DISC1: variants seen among roughly 807,000 people sequenced by gnomAD.
The protein encoded by DISC1 is DISC1 scaffold protein.
Under a neutral mutation model 84.5 loss-of-function variants are expected in DISC1, and 57 were observed. That is an observed-to-expected ratio of 0.67 (90% CI 0.55 to 0.84). The LOEUF is 0.84. Among genes scored for constraint, DISC1 ranks in the 40% least tolerant of loss-of-function variants. DISC1 has a pLI of 0.00. For missense variants in DISC1, 1,000 were observed against 1,057.8 expected (o/e 0.95, Z 0.76); for synonymous variants, 411 against 415.2 (o/e 0.99, Z 0.12).
intron 1 of DISC1, among the ~76,000 whole-genome samples, chr1:231,672,191 C>T (rs973125295): frequency 1.3e-5 from 2 of 152,078 alleles, no homozygotes; most frequent in African/African-American, 4.8e-5. Context: ...AATCTTTGAT[C>T]TTCAGTAAGT....
chr1:231,862,119 T>C (rs1574306473), intron 9 of DISC1, among the ~76,000 whole-genome samples: 1 of 152,314 alleles, frequency 6.6e-6, no homozygotes, highest in Middle Eastern at 3.4e-3. Flanking sequence ...ACAACAGTTA[T>C]ATTACTTTAC....
intron 7 of DISC1, among the ~76,000 whole-genome samples, chr1:231,795,604 C>T (rs746835620): frequency 5.9e-5 from 9 of 152,194 alleles, no homozygotes; most frequent in South Asian, 4.1e-4. Flanking sequence ...AAGATGCATT[C>T]GGGGCTTGGT....
chr1:231,639,382 C>T (rs1423657351), intron 1 of DISC1, among the ~76,000 whole-genome samples: 1 of 152,198 alleles, frequency 6.6e-6, no homozygotes. Context: ...CCCTAGCCAA[C>T]CCTTACACCT....
intron 6 of DISC1, among the ~76,000 whole-genome samples, chr1:231,782,305 C>A (rs2077487757): frequency 1.3e-5 from 2 of 152,108 alleles, no homozygotes; most frequent in South Asian, 4.1e-4. Context: ...CCTTTCTTAT[C>A]CAATAAAGTA....
chr1:231,835,831 C>A (rs1008338915), intron 9 of DISC1, among the ~76,000 whole-genome samples: 2 of 152,114 alleles, frequency 1.3e-5, no homozygotes, highest in Admixed American at 6.6e-5. Context: ...AAAATAATAT[C>A]ATGTTGAGAT....
intron 10 of DISC1, among the ~76,000 whole-genome samples, chr1:231,980,032 TG>T (rs1281911583): frequency 6.6e-6 from 1 of 152,238 alleles, no homozygotes; most frequent in Non-Finnish European, 1.5e-5. Context: ...ACTAACCTTA[TG>T]GTTCAAAGTC....
At chr1:231,732,074 T>G (rs1019459171) in intron 3 of DISC1, among the ~76,000 whole-genome samples, 1 of 152,214 alleles carries the variant, frequency 6.6e-6, no homozygotes, top group Non-Finnish European at 1.5e-5. Context: ...GTGAATACCT[T>G]GGACCCCTGC....
chr1:231,702,171 A>G (rs1573008882), intron 3 of DISC1, 147 bp downstream of exon 3: 1 of 1,414,878 alleles, frequency 7.1e-7, no homozygotes, highest in South Asian at 1.5e-5. Context: ...ACTCTTTTAC[A>G]GCATTATTGT....
In DISC1 at chr1:231,787,757, G is replaced by A. The variant is rs188195458; in HGVS notation, c.1635-7485G>A. On this transcript the variant is annotated intron_variant, in intron 6 of 12. Transcript: ENST00000439617. Reference sequence around the variant, plus strand: ...TTCTGATCTTGGCAGCATGTTGGCAGTGAGAACTCATCTGGCACTTGCTAG... The same window carrying A: ...TTCTGATCTTGGCAGCATGTTGGCAATGAGAACTCATCTGGCACTTGCTAG... Among the ~76,000 whole-genome samples, 438 of 152,358 alleles carry A rather than the reference G, an allele frequency of 2.9e-3. 2 individuals are homozygous for A. The highest frequency in any genetic ancestry group is 1.0e-2 in the African/African-American group (415 of 41,580).
chr1:231,955,778 C>T (rs538432533), intron 9 of DISC1, among the ~76,000 whole-genome samples: 89 of 152,300 alleles, frequency 5.8e-4, no homozygotes, highest in Non-Finnish European at 1.0e-3. Context: ...GTGTGAGCTA[C>T]CGCACCCAGC....
At chr1:231,802,546 C>T (rs748343030) in intron 8 of DISC1, among the ~76,000 whole-genome samples, 8 of 152,160 alleles carry the variant, frequency 5.3e-5, no homozygotes, top group Non-Finnish European at 8.8e-5. Flanking sequence ...TGACTTTGAT[C>T]TATGGCCTGA....
intron 9 of DISC1, among the ~76,000 whole-genome samples, chr1:231,881,914 A>C (rs1164741820): frequency 6.6e-6 from 1 of 152,082 alleles, no homozygotes; most frequent in South Asian, 2.1e-4. Flanking sequence ...CACAGGTCTG[A>C]TTTTCCACTC....
At chr1:231,740,302 C>T (rs187847440) in intron 3 of DISC1, among the ~76,000 whole-genome samples, 1 of 152,274 alleles carries the variant, frequency 6.6e-6, no homozygotes, top group African/African-American at 2.4e-5. Context: ...AGGTATTGGT[C>T]ATATTTAGCA....
chr1:231,932,954 T>C (rs2090759276), intron 9 of DISC1, among the ~76,000 whole-genome samples: 1 of 152,210 alleles, frequency 6.6e-6, no homozygotes, highest in Non-Finnish European at 1.5e-5. Flanking sequence ...GCCCAATTTA[T>C]ACTCCTAATA....
intron 2 of DISC1, 137 bp downstream of exon 2, chr1:231,694,942 T>C: frequency 8.0e-7 from 1 of 1,254,420 alleles, no homozygotes; most frequent in East Asian, 2.5e-5. Context: ...TGGAGCCGGC[T>C]GCACAGGATG....
intron 9 of DISC1, among the ~76,000 whole-genome samples, chr1:231,952,699 ATATATATATATATATG>A (rs1658680977): frequency 7.1e-6 from 1 of 140,686 alleles, no homozygotes; most frequent in African/African-American, 2.9e-5. Context: ...GTTTATATAT[ATATATATATATATATG>A]TATATATATA....
chr1:231,942,568 T>C (rs903595487), intron 9 of DISC1, among the ~76,000 whole-genome samples: 1 of 152,008 alleles, frequency 6.6e-6, no homozygotes, highest in Non-Finnish European at 1.5e-5. Flanking sequence ...AGAAGGCCCA[T>C]GCAGGAGAAT....
chr1:231,783,937 T>A (rs1018332087), intron 6 of DISC1, among the ~76,000 whole-genome samples: 2 of 152,120 alleles, frequency 1.3e-5, no homozygotes, highest in African/African-American at 4.8e-5. Flanking sequence ...GTTACATGGG[T>A]GCATCTTATT....
chr1:231,956,749 C>T (rs1286435370), intron 9 of DISC1, among the ~76,000 whole-genome samples: 1 of 152,178 alleles, frequency 6.6e-6, no homozygotes, highest in Non-Finnish European at 1.5e-5. Context: ...GTCTGGGTCC[C>T]TCAGACTCAG....
Sources: allele counts gnomAD v4.1 joint callset (sites outside exome capture counted in the v4.1 genomes callset), GRCh38; gene constraint gnomAD v4.1.1; transcripts MANE v1.5; gene names NCBI Gene and HGNC (gene_info 2026-07-23, HGNC 2026-07-21).